Variants in TTC39C observed in about 807,000 individuals in gnomAD.
The protein encoded by TTC39C is tetratricopeptide repeat domain 39C.
In TTC39C, 33 loss-of-function variants were observed where a neutral mutation model predicts 76.3. The observed-to-expected ratio is 0.43, with a 90% confidence interval of 0.33 to 0.58. The LOEUF is 0.58. Ranked by LOEUF, TTC39C falls within the 20% of genes least tolerant of loss-of-function variation. The pLI is 0.04. For synonymous variants in TTC39C, 254 were observed against 260.6 expected (o/e 0.97, Z 0.24); for missense variants, 595 against 701.4 (o/e 0.85, Z 1.71).
chr18:24,124,295 T>A (rs2085017540), intron 9 of TTC39C: 1 of 161,398 alleles, frequency 6.2e-6, no homozygotes, highest in Non-Finnish European at 1.3e-5. Flanking sequence ...TAGTTTTTTT[T>A]TAAATTTTAA....
chr18:24,123,754 T>TC (rs2085008833), intron 8 of TTC39C, 80 bp from the exon 9 acceptor site: 10 of 1,018,074 alleles, frequency 9.8e-6, no homozygotes, highest in Non-Finnish European at 1.3e-5. Flanking sequence ...TTTTTTTTTT[T>TC]CAAGTATCAT....
intron 1 of TTC39C, among the ~76,000 whole-genome samples, chr18:24,030,312 T>C (rs2083651157): frequency 1.3e-5 from 2 of 152,222 alleles, no homozygotes; most frequent in Non-Finnish European, 2.9e-5. Context: ...AGGAAGATAT[T>C]TGATACACAT....
chr18:24,033,986 C>A lies in TTC39C; in HGVS notation c.167+18948C>A, dbSNP rs555286094. On this transcript the variant is annotated intron_variant, in intron 1 of 13. Coordinates refer to ENST00000317571, the MANE Select transcript of TTC39C (RefSeq NM_001135993.2). ...ACTGGAACTGAAATTGGAATGATAT[C>A]TAAATGGAAGGAATAGCTGACCTGG... Among the ~76,000 whole-genome samples the A allele has an allele frequency of 3.9e-5, 6 of 152,330 alleles. No individual in the cohort carries two copies. In the South Asian group the frequency reaches 1.0e-3, roughly 26 times the overall value.
chr18:24,127,517 GTTTGTGT>G (rs1185384718), intron 10 of TTC39C, among the ~76,000 whole-genome samples: 1 of 151,942 alleles, frequency 6.6e-6, no homozygotes, highest in African/African-American at 2.4e-5. Context: ...TTTTGTTGTT[GTTTGTGT>G]TTTGTGTTTT....
At chr18:24,098,207 G>A (rs1359659494) in intron 6 of TTC39C, among the ~76,000 whole-genome samples, 2 of 151,784 alleles carry the variant, frequency 1.3e-5, no homozygotes, top group African/African-American at 2.4e-5. Flanking sequence ...TCTTCATTTA[G>A]TCATGTCACC....
chr18:24,067,476 A>G (rs1047181668), intron 3 of TTC39C, among the ~76,000 whole-genome samples: 1 of 152,286 alleles, frequency 6.6e-6, no homozygotes, highest in East Asian at 1.9e-4. Flanking sequence ...GCAGGAGGTG[A>G]TCTGCAGGGC....
intron 6 of TTC39C, among the ~76,000 whole-genome samples, chr18:24,097,900 A>G (rs2084610273): frequency 6.6e-6 from 1 of 152,148 alleles, no homozygotes; most frequent in Non-Finnish European, 1.5e-5. Context: ...CTCAAACTAG[A>G]TCCTGCTCAG....
chr18:24,074,067 A>G (rs1046094586), intron 4 of TTC39C, among the ~76,000 whole-genome samples: 1 of 152,242 alleles, frequency 6.6e-6, no homozygotes, highest in Admixed American at 6.5e-5. Flanking sequence ...GATGCACTTC[A>G]TGCCCTGGGA....
At chr18:24,047,705 T>C (rs1010709417) in intron 1 of TTC39C, among the ~76,000 whole-genome samples, 14 of 152,152 alleles carry the variant, frequency 9.2e-5, no homozygotes, top group African/African-American at 3.4e-4. Context: ...AAACTGACCT[T>C]TACTTATATA....
chr18:24,075,079 T>C (rs1481625958), intron 4 of TTC39C, among the ~76,000 whole-genome samples: 1 of 152,042 alleles, frequency 6.6e-6, no homozygotes, highest in Non-Finnish European at 1.5e-5. Context: ...ATGTTCTCAC[T>C]TATAGGTTAG....
intron 6 of TTC39C, among the ~76,000 whole-genome samples, chr18:24,092,189 T>A (rs2084531250): frequency 6.9e-6 from 1 of 145,622 alleles, no homozygotes; most frequent in Non-Finnish European, 1.5e-5. Context: ...GTATCATAAA[T>A]CACTAAGGAA....
chr18:24,042,010 A>G (rs1003587478), intron 1 of TTC39C, among the ~76,000 whole-genome samples: 2 of 152,190 alleles, frequency 1.3e-5, no homozygotes, highest in African/African-American at 4.8e-5. Flanking sequence ...CGTTAACAAC[A>G]TATAGGTTTC....
At chr18:24,057,594 T>C (rs2084032717) in intron 1 of TTC39C, among the ~76,000 whole-genome samples, 1 of 152,234 alleles carries the variant, frequency 6.6e-6, no homozygotes, top group South Asian at 2.1e-4. Context: ...CTTCTTTCAC[T>C]CAATGTTATT....
At chr18:24,003,029 C>T (rs974181027) in intron 1 of TTC39C, among the ~76,000 whole-genome samples, 2 of 152,218 alleles carry the variant, frequency 1.3e-5, no homozygotes, top group Non-Finnish European at 2.9e-5. Flanking sequence ...CCTAAGTTCT[C>T]GTTGGCTCCT....
chr18:24,055,611 G>C, intron 1 of TTC39C, among the ~76,000 whole-genome samples: 1 of 152,094 alleles, frequency 6.6e-6, no homozygotes, highest in Non-Finnish European at 1.5e-5. Flanking sequence ...TGAGTTGTAG[G>C]AGCTCTATGT....
intron 1 of TTC39C, among the ~76,000 whole-genome samples, chr18:24,056,052 C>T (rs1449545826): frequency 2.6e-5 from 4 of 152,146 alleles, no homozygotes; most frequent in Non-Finnish European, 4.4e-5. Context: ...TTTCTGAAGG[C>T]GAGGTCTGAG....
At chr18:24,126,511 A>C (rs2085053350) in intron 10 of TTC39C, among the ~76,000 whole-genome samples, 1 of 152,064 alleles carries the variant, frequency 6.6e-6, no homozygotes, top group South Asian at 2.1e-4. Flanking sequence ...CTGGAGATCA[A>C]AGGAACAAAA....
intron 7 of TTC39C, among the ~76,000 whole-genome samples, chr18:24,117,859 G>A (rs2084916426): frequency 6.6e-6 from 1 of 152,170 alleles, no homozygotes; most frequent in African/African-American, 2.4e-5. Flanking sequence ...GTAAATTGGA[G>A]TGTCTTTCTA....
In TTC39C at chr18:24,133,951, G is replaced by C. The variant is rs1156809824; in HGVS notation, c.*1377G>C. The C allele has an allele frequency of 6.6e-6, 1 of 152,640 alleles. No homozygotes were observed. Among genetic ancestry groups the C allele is most frequent in the Non-Finnish European group, 1.5e-5 (1 of 68,132 alleles). 9.5% of individuals were successfully genotyped at this position (152,640 alleles called of 1,614,324 possible). On this transcript the variant is annotated 3_prime_UTR_variant, in exon 14 of 14. Transcript: ENST00000317571. ...TTTTCAAAATAAAACAGAAAAGCAA[G>C]TAGAATGTTGGCAAATTTTATCTGA...
Sources: gnomAD v4.1 joint callset for allele counts (sites outside exome capture counted in the v4.1 genomes callset) on GRCh38, gnomAD v4.1.1 for gene constraint, MANE v1.5 for transcripts, NCBI Gene and HGNC (gene_info 2026-07-23, HGNC 2026-07-21) for gene names.